PLA2G4A: variants seen among roughly 807,000 people sequenced by gnomAD.
PLA2G4A encodes the protein cytosolic phospholipase A2.
In PLA2G4A, 40 loss-of-function variants were observed where a neutral mutation model predicts 81.9. The observed-to-expected ratio is 0.49, with a 90% CI of 0.38 to 0.64. The LOEUF (loss-of-function observed/expected upper bound fraction) is 0.64. Ranked by LOEUF, PLA2G4A falls within the 30% of genes least tolerant of loss-of-function variation. The pLI is 0.00. For missense variants in PLA2G4A, 715 were observed against 905.1 expected, an observed-to-expected ratio of 0.79 and a Z score of 2.69; for synonymous variants, 302 against 296.9, an observed-to-expected ratio of 1.02 and a Z score of -0.18.
intron 5 of PLA2G4A, among the ~76,000 whole-genome samples, chr1:186,902,744 T>C (rs1654590050): frequency 2.0e-5 from 3 of 151,776 alleles, no homozygotes; most frequent in South Asian, 2.1e-4. Context: ...AGAACAATCC[T>C]CTTTAACTGT....
At chr1:186,950,417 A>G (rs1374449564) in intron 12 of PLA2G4A, among the ~76,000 whole-genome samples, 2 of 152,136 alleles carry the variant, frequency 1.3e-5, no homozygotes, top group African/African-American at 4.8e-5. Context: ...TATCCTCTTT[A>G]AGTCATGAAT....
chr1:186,949,910 CCTATAATCCCAG>C (rs1385684676), intron 12 of PLA2G4A, among the ~76,000 whole-genome samples: 1 of 151,894 alleles, frequency 6.6e-6, no homozygotes, highest in South Asian at 2.1e-4. Flanking sequence ...ATGGTCCATG[CCTATAATCCCAG>C]CTACTCAGGA....
chr1:186,936,860 A>C (rs1394604180), intron 8 of PLA2G4A, among the ~76,000 whole-genome samples: 1 of 151,930 alleles, frequency 6.6e-6, no homozygotes, highest in African/African-American at 2.4e-5. Context: ...TTTTTATATA[A>C]ATAAACCTAA....
At chr1:186,986,596 T>C (rs1657898940) in intron 17 of PLA2G4A, among the ~76,000 whole-genome samples, 1 of 152,252 alleles carries the variant, frequency 6.6e-6, no homozygotes, top group Non-Finnish European at 1.5e-5. Flanking sequence ...CTTTATAGCT[T>C]CACTTCTAAT....
intron 12 of PLA2G4A, among the ~76,000 whole-genome samples, chr1:186,948,855 C>A (rs4651343): frequency 0.25 from 38,483 of 151,992 alleles, 5,373 homozygotes; most frequent in Admixed American, 0.4. Flanking sequence ...CATGTTACCT[C>A]AGATTAAGTA....
rs538520919 is a variant in PLA2G4A, at chr1:186,967,195, T to C, written c.1764+1602T>C. Among the ~76,000 whole-genome samples, 110 of 152,268 alleles carry C rather than the reference T, an allele frequency of 7.2e-4. 1 individual carries two copies. The South Asian group carries it at 0.016, about 23-fold the overall frequency. On this transcript the variant is annotated intron_variant, in intron 15 of 17. Transcript: ENST00000367466. ...GACCAATAATGGTTATTATAATAAC[T>C]CTTAAATATATAGAAAACCTTACAT...
intron 7 of PLA2G4A, 138 bp downstream of exon 7, chr1:186,911,527 T>C (rs1445207886): frequency 8.5e-6 from 6 of 708,534 alleles, no homozygotes; most frequent in Non-Finnish European, 1.3e-5. Flanking sequence ...AGGTAAGTGA[T>C]TTGTAAATGA....
intron 2 of PLA2G4A, among the ~76,000 whole-genome samples, chr1:186,860,377 T>C (rs1362866693): frequency 1.3e-5 from 2 of 151,704 alleles, no homozygotes; most frequent in East Asian, 3.9e-4. Flanking sequence ...GGGGAGCTGA[T>C]AACGTAAATC....
intron 3 of PLA2G4A, among the ~76,000 whole-genome samples, chr1:186,879,140 C>A (rs1056644948): frequency 5.3e-5 from 8 of 151,832 alleles, no homozygotes; most frequent in African/African-American, 1.5e-4. Context: ...TCCTTGGATG[C>A]ACTTTTTCAT....
chr1:186,899,043 G>A (rs1265452604), intron 5 of PLA2G4A, among the ~76,000 whole-genome samples: 2 of 152,120 alleles, frequency 1.3e-5, no homozygotes, highest in Non-Finnish European at 2.9e-5. Context: ...TACTTAGCGA[G>A]ACAGATGAAA....
chr1:186,884,227 A>G lies in PLA2G4A; in HGVS notation c.116-8784A>G, dbSNP rs900401438. ...TTAAATTGTGAGATATAGGGAAGGA[A>G]AATTGAAGGACTACATCTAATCCTC... On this transcript the variant is annotated intron_variant, in intron 3 of 17. Transcript: ENST00000367466. Among the ~76,000 whole-genome samples, 10 of 152,036 alleles carry G rather than the reference A, an allele frequency of 6.6e-5. No homozygotes were observed. In the South Asian group the frequency reaches 2.1e-3, roughly 32 times the overall value.
intron 3 of PLA2G4A, among the ~76,000 whole-genome samples, chr1:186,884,034 G>A (rs1311032446): frequency 1.3e-5 from 2 of 152,032 alleles, no homozygotes; most frequent in Non-Finnish European, 2.9e-5. Flanking sequence ...AGAGAAAGTA[G>A]CTAAGGCAAA....
At chr1:186,958,700 T>A (rs1467816741) in intron 14 of PLA2G4A, among the ~76,000 whole-genome samples, 2 of 152,130 alleles carry the variant, frequency 1.3e-5, no homozygotes, top group Non-Finnish European at 2.9e-5. Context: ...AAAATGGAAG[T>A]TTTCTTTGTG....
At position 186,906,998 on chromosome 1, in the gene PLA2G4A, G is replaced by A. The variant is rs770290706; in HGVS notation, c.412G>A (p.Val138Ile). ...AATGGTTCTAGAAATGTCTCTTGAA[G>A]TTTGGTAAGTGCATTTATTTAGTTG... Reference protein sequence around the residue: ...TEMVLEMSLEVCSCPDLRFSM... With the variant: ...TEMVLEMSLEICSCPDLRFSM... Residue 138 changes from valine to isoleucine, a missense_variant, in exon 6 of 18, where the codon GTT becomes ATT. Val to Ile is a conservative substitution (Grantham distance 29). Coordinates refer to ENST00000367466, the MANE Select transcript of PLA2G4A (RefSeq NM_024420.3). 1.3e-6 allele frequency: 2 copies of A among 1,487,966 alleles called. No homozygotes were observed. The highest frequency in any genetic ancestry group is 1.1e-5 in the South Asian group (1 of 88,050). The allele number at this position is 1,487,966 out of a possible 1,614,324, so 92.2% of individuals were successfully genotyped here.
At chr1:186,911,498 C>G in intron 7 of PLA2G4A, 109 bp downstream of exon 7, 1 of 856,900 alleles carries the variant, frequency 1.2e-6, no homozygotes, top group South Asian at 1.4e-5. Context: ...GAGCATTATT[C>G]CTTTAGTTTT....
At chr1:186,955,118 G>A (rs1656701131) in intron 13 of PLA2G4A, among the ~76,000 whole-genome samples, 1 of 152,132 alleles carries the variant, frequency 6.6e-6, no homozygotes, top group Admixed American at 6.5e-5. Context: ...TAATTTCCCA[G>A]GAGTAATGGT....
At chr1:186,916,623 T>C (rs917231624) in intron 7 of PLA2G4A, among the ~76,000 whole-genome samples, 23 of 152,200 alleles carry the variant, frequency 1.5e-4, no homozygotes, top group Non-Finnish European at 1.9e-4. Flanking sequence ...CAGTCTTCAG[T>C]CCTTAATCTT....
intron 15 of PLA2G4A, among the ~76,000 whole-genome samples, chr1:186,977,080 T>G (rs1657560200): frequency 6.6e-6 from 1 of 152,232 alleles, no homozygotes. Flanking sequence ...GTTCAACTTC[T>G]GTTCACAAAA....
At chr1:186,933,197 C>T (rs1445370773) in intron 8 of PLA2G4A, among the ~76,000 whole-genome samples, 1 of 152,000 alleles carries the variant, frequency 6.6e-6, no homozygotes, top group African/African-American at 2.4e-5. Flanking sequence ...AGAAGTGGAA[C>T]AACATACTCC....
Sources: allele counts gnomAD v4.1 joint callset (sites outside exome capture counted in the v4.1 genomes callset), GRCh38; gene constraint gnomAD v4.1.1; transcripts MANE v1.5; gene names NCBI Gene and HGNC (gene_info 2026-07-23, HGNC 2026-07-21).